Variants in TCF20 observed in about 807,000 individuals in gnomAD.
TCF20 encodes the protein SPRE-binding protein.
Under a neutral mutation model 148.6 loss-of-function variants are expected in TCF20, and 3 were observed. That is an observed-to-expected ratio of 0.02 (90% confidence interval 0.01 to 0.05). The LOEUF is 0.05. Ranked by LOEUF, TCF20 falls within the 10% of genes least tolerant of loss-of-function variation. The probability of loss-of-function intolerance (pLI) is 1.00; values close to 1 mark genes in which losing one functional copy is unlikely to be tolerated. For synonymous variants in TCF20, 1,049 were observed against 909.5 expected, an observed-to-expected ratio of 1.15 and a Z score of -2.76; for missense variants, 2,350 against 2,429.3, an observed-to-expected ratio of 0.97 and a Z score of 0.69.
chr22:42,212,116 G>A lies in TCF20; in HGVS notation c.3190C>T (p.His1064Tyr), dbSNP rs925232842. Residue 1064 changes from histidine to tyrosine, a missense_variant, in exon 2 of 6, where the codon CAT becomes TAT. Transcript: ENST00000677622. Reference protein sequence around the residue: ...PNSETLASAYHANTRAHAYGD... With the variant: ...PNSETLASAYYANTRAHAYGD... ...TAAGCATGAGCCCGAGTATTTGCATGATAAGCAGAGGCCAGGGTTTCTGAG... is the reference window on the plus strand; with the variant it reads ...TAAGCATGAGCCCGAGTATTTGCATAATAAGCAGAGGCCAGGGTTTCTGAG... 2 of 1,614,182 alleles carry A rather than the reference G, an allele frequency of 1.2e-6. No homozygotes were observed. The highest frequency in any genetic ancestry group is 1.3e-5 in the African/African-American group (1 of 75,048).
chr22:42,203,770 A>G (rs1401233621), intron 2 of TCF20, among the ~76,000 whole-genome samples: 3 of 152,100 alleles, frequency 2.0e-5, no homozygotes, highest in East Asian at 3.9e-4. Context: ...GAGGGAGAGG[A>G]GAATGGAGAA....
At chr22:42,217,025 T>C (rs1044002886) in intron 1 of TCF20, among the ~76,000 whole-genome samples, 3 of 152,222 alleles carry the variant, frequency 2.0e-5, no homozygotes, top group Non-Finnish European at 2.9e-5. Context: ...TTTATGAAGC[T>C]AGTTTCCTAG....
At chr22:42,300,191 G>A (rs1927311750) in intron 1 of TCF20, among the ~76,000 whole-genome samples, 1 of 152,082 alleles carries the variant, frequency 6.6e-6, no homozygotes, top group Non-Finnish European at 1.5e-5. Flanking sequence ...GGGGAGGCAG[G>A]TTTTGAAACC....
chr22:42,238,501 C>T (rs1418066066), intron 1 of TCF20, among the ~76,000 whole-genome samples: 2 of 152,190 alleles, frequency 1.3e-5, no homozygotes, highest in African/African-American at 2.4e-5. Flanking sequence ...AACTTGGCCA[C>T]GTTTGGTGCA....
intron 1 of TCF20, among the ~76,000 whole-genome samples, chr22:42,308,187 T>C (rs569785665): frequency 3.3e-4 from 50 of 151,594 alleles, no homozygotes; most frequent in African/African-American, 1.2e-3. Flanking sequence ...GAGGGGGCTA[T>C]GGGGGTGACG....
At chr22:42,207,586 T>G (rs1938473152) in intron 2 of TCF20, among the ~76,000 whole-genome samples, 2 of 152,002 alleles carry the variant, frequency 1.3e-5, no homozygotes, top group Non-Finnish European at 1.5e-5. Context: ...GAGGCCGAGG[T>G]GGGCGGATCA....
At chr22:42,230,623 C>A (rs997882212) in intron 1 of TCF20, among the ~76,000 whole-genome samples, 1 of 148,624 alleles carries the variant, frequency 6.7e-6, no homozygotes, top group Non-Finnish European at 1.5e-5. Flanking sequence ...CCAGTCTGGG[C>A]GACAGAGAGA....
chr22:42,173,492 G>A (rs1439348432), intron 3 of TCF20, among the ~76,000 whole-genome samples: 1 of 151,506 alleles, frequency 6.6e-6, no homozygotes, highest in African/African-American at 2.5e-5. Flanking sequence ...AAAGATCTGG[G>A]TGGGTTGACA....
At chr22:42,207,144 A>C (rs1938439413) in intron 2 of TCF20, among the ~76,000 whole-genome samples, 1 of 152,170 alleles carries the variant, frequency 6.6e-6, no homozygotes, top group African/African-American at 2.4e-5. Context: ...AGTTTCTAAG[A>C]GGAGTTAGAT....
chr22:42,331,318 G>A (rs1927971164), intron 1 of TCF20, among the ~76,000 whole-genome samples: 1 of 152,214 alleles, frequency 6.6e-6, no homozygotes, highest in South Asian at 2.1e-4. Flanking sequence ...CCTGGAAACA[G>A]CTGGCCTCAC....
chr22:42,177,968 T>G (rs1413809104), intron 3 of TCF20, among the ~76,000 whole-genome samples: 1 of 152,166 alleles, frequency 6.6e-6, no homozygotes, highest in Non-Finnish European at 1.5e-5. Context: ...GATTAGCAGC[T>G]TGGAACTGTT....
At chr22:42,177,719 G>C (rs529947272) in intron 3 of TCF20, among the ~76,000 whole-genome samples, 1 of 152,318 alleles carries the variant, frequency 6.6e-6, no homozygotes, top group African/African-American at 2.4e-5. Context: ...TTTAGAGTAA[G>C]AAATACATAT....
At chr22:42,197,224 G>A (rs1247846347) in intron 2 of TCF20, among the ~76,000 whole-genome samples, 1 of 151,916 alleles carries the variant, frequency 6.6e-6, no homozygotes. Flanking sequence ...AAGCTTCCAG[G>A]AATAGTTTAG....
At chr22:42,289,829 C>A (rs959924984) in intron 1 of TCF20, among the ~76,000 whole-genome samples, 2 of 152,148 alleles carry the variant, frequency 1.3e-5, no homozygotes, top group Admixed American at 1.3e-4. Context: ...CCCCAAAGAG[C>A]GCCCCAAAGG....
intron 2 of TCF20, among the ~76,000 whole-genome samples, chr22:42,206,141 C>CA (rs1179778577): frequency 6.6e-6 from 1 of 152,126 alleles, no homozygotes; most frequent in African/African-American, 2.4e-5. Context: ...TACTGATTAT[C>CA]AATTATTGCT....
chr22:42,196,709 T>C (rs1286391145), intron 2 of TCF20, among the ~76,000 whole-genome samples: 1 of 152,164 alleles, frequency 6.6e-6, no homozygotes, highest in Non-Finnish European at 1.5e-5. Flanking sequence ...CTGAGACTTG[T>C]TAGATGAATA....
chr22:42,181,971 C>G (rs1212140355), intron 2 of TCF20, among the ~76,000 whole-genome samples: 2 of 152,152 alleles, frequency 1.3e-5, no homozygotes, highest in South Asian at 2.1e-4. Flanking sequence ...GAGGATTAGA[C>G]AGTGGGATCT....
At chr22:42,254,706 G>A (rs1320185673) in intron 1 of TCF20, among the ~76,000 whole-genome samples, 1 of 152,052 alleles carries the variant, frequency 6.6e-6, no homozygotes, top group Non-Finnish European at 1.5e-5. Flanking sequence ...AATCCAAAAG[G>A]AGCTGGTCCC....
Position 42,211,671 on chromosome 22 carries a change from T to A in TCF20, c.3635A>T (p.Tyr1212Phe). The change falls in exon 2 of 6, where the codon TAT (tyrosine) becomes TTT (phenylalanine). Residue 1212 changes from tyrosine (Y) to phenylalanine (F), a missense_variant. Tyr to Phe is a conservative substitution (Grantham distance 22). Around this residue, in one of 7 missense-constraint regions of TCF20, gnomAD observed 1,641 missense variants for 1,662.6 expected, o/e 0.99. Coordinates refer to ENST00000677622, the MANE Select transcript of TCF20 (RefSeq NM_001378418.1). ...TCCATCAGTCTCATGGGGCGGCCCA[T>A]ACCTTTTTTGACTGGACATTCCTGG... ...GPPGMSSQKR[Y>F]GPPHETDGHG... 6.2e-7 allele frequency: 1 copy of A among 1,614,198 alleles called. No individual in the cohort carries two copies. The highest frequency in any genetic ancestry group is 1.3e-5 in the African/African-American group (1 of 75,040).
Sources: allele counts gnomAD v4.1 joint callset (sites outside exome capture counted in the v4.1 genomes callset), GRCh38; gene constraint gnomAD v4.1.1; regional missense constraint gnomAD v4.1.1; transcripts MANE v1.5; gene names NCBI Gene and HGNC (gene_info 2026-07-23, HGNC 2026-07-21).